The following ALOX12 variants were observed in gnomAD, a reference collection of about 807,000 sequenced individuals.
ALOX12 encodes the protein polyunsaturated fatty acid lipoxygenase ALOX12.
A neutral mutation model predicts 85.5 loss-of-function variants in ALOX12; 62 were observed. That is an observed-to-expected ratio of 0.73 (90% CI 0.59 to 0.90). ALOX12 has a LOEUF of 0.90. ALOX12 is among the 40% of genes least tolerant of loss of function. The pLI is 0.00. For missense variants in ALOX12, 751 were observed against 856.5 expected (o/e 0.88, Z 1.54); for synonymous variants, 299 against 332.7 (o/e 0.90, Z 1.10).
Position 7,005,712 on chromosome 17 carries a change from C to G in ALOX12, c.1249-146C>G. The G allele has an allele frequency of 3.9e-6, 3 of 776,676 alleles. No homozygotes were observed. The East Asian group carries it at 8.1e-5, about 21-fold the overall frequency. 48.1% of individuals were successfully genotyped at this position (776,676 alleles called of 1,614,324 possible). On this transcript the variant is annotated intron_variant, in intron 9 of 13. Coordinates refer to ENST00000251535, the MANE Select transcript of ALOX12 (RefSeq NM_000697.3). ...GCCAGACTGGTCTCGAACTCCTGAC[C>G]TCATGATCCACCCACCTCAGCCTCC...
At position 6,996,912 on chromosome 17, in the gene ALOX12, C is replaced by T. The variant is rs1908468673; in HGVS notation, c.222C>T (p.Asp74=). The T allele has an allele frequency of 1.2e-6, 2 of 1,613,178 alleles. No homozygotes were observed. The highest frequency in any genetic ancestry group is 8.5e-7 in the Non-Finnish European group (1 of 1,179,650). The change falls in exon 2 of 14, where the codon GAC becomes GAT. Residue 74 remains aspartate, a synonymous_variant. Coordinates refer to ENST00000251535, the MANE Select transcript of ALOX12 (RefSeq NM_000697.3). ...GCAAGCACCACTGGCTGGTGGACGA[C>T]GCGTGGTTCTGCGACCGCATCACGG... ...RLRKHHWLVD[D]AWFCDRITVQ...
rs1908470463 is a variant in ALOX12 at position 6,996,938 on chromosome 17, T to C, written c.248T>C (p.Val83Ala). The C allele has an allele frequency of 1.2e-5, 19 of 1,605,316 alleles. No homozygotes were observed. Among genetic ancestry groups the C allele is most frequent in the Non-Finnish European group, 1.6e-5 (19 of 1,176,162 alleles). Residue 83 changes from valine to alanine, a missense_variant, in exon 2 of 14, where the codon GTG becomes GCG. Physicochemically the swap from Val to Ala is moderately conservative, Grantham distance 64 (BLOSUM62 0). Transcript: ENST00000251535. ...DDAWFCDRITVQGPGACAEVA... is the reference protein window; with the variant it reads ...DDAWFCDRITAQGPGACAEVA... ...GCGTGGTTCTGCGACCGCATCACGG[T>C]GCAGGGCCCTGGAGCCTGCGCGGAG...
At position 7,005,879 on chromosome 17, in the gene ALOX12, G is replaced by A. The variant is rs1160019383; in HGVS notation, c.1270G>A (p.Gly424Ser). ...CCAGGCAGTGAGCACAGGTGGAGGG[G>A]GCCATGTACAGTTGCTCCGTCGGGC... Reference protein sequence around the residue: ...FDKAVSTGGGGHVQLLRRAAA... With the variant: ...FDKAVSTGGGSHVQLLRRAAA... The change falls in exon 10 of 14, where the codon GGC becomes AGC. Residue 424 changes from glycine (G) to serine (S), a missense_variant. Transcript: ENST00000251535. 1 of 1,612,746 alleles carries A rather than the reference G, an allele frequency of 6.2e-7. No homozygotes were observed.
chr17:7,002,988 A>G (rs1908784223), intron 8 of ALOX12, among the ~76,000 whole-genome samples: 1 of 152,046 alleles, frequency 6.6e-6, no homozygotes, highest in African/African-American at 2.4e-5. Flanking sequence ...TGGCCAGTAT[A>G]GCTGTGCCGC....
chr17:7,005,606 G>A (rs530265926), intron 9 of ALOX12, among the ~76,000 whole-genome samples: 188 of 146,118 alleles, frequency 1.3e-3, no homozygotes, highest in Non-Finnish European at 1.9e-3. Flanking sequence ...TCAGCCTCCC[G>A]AGTAGCTGGG....
In ALOX12 at chr17:6,999,388, C is replaced by T; in HGVS notation, c.729C>T (p.Arg243=). 6.2e-7 allele frequency: 1 copy of T among 1,614,224 alleles called. No homozygotes were observed. The highest frequency in any genetic ancestry group is 8.5e-7 in the Non-Finnish European group (1 of 1,180,032). Residue 243 remains arginine, a synonymous_variant, in exon 6 of 14, where the codon CGC becomes CGT. Transcript: ENST00000251535. ...GTGCCAACCCCATGCTGTTGAGACG[C>T]TCGACCTCTCTGCCCTCCAGGCTAG... The part of the protein sequence containing the change: ...LNGANPMLLR[R]STSLPSRLVL...
Position 6,996,138 on chromosome 17 carries a change from C to A in ALOX12, c.21C>A (p.Arg7=), listed in dbSNP as rs1197326510. 12 of 1,252,582 alleles carry A rather than the reference C, an allele frequency of 9.6e-6. No individual in the cohort carries two copies. Among genetic ancestry groups the A allele is most frequent in the Non-Finnish European group, 1.2e-5 (12 of 991,710 alleles). The allele number at this position is 1,252,582 out of a possible 1,614,324, so 77.6% of individuals were successfully genotyped here. MGRYRI[R]VATGAWLFSG... is the part of the protein sequence containing the mutation. ...GCGCCATGGGCCGCTACCGCATCCG[C>A]GTGGCCACCGGGGCCTGGCTCTTCT... The change falls in exon 1 of 14, where the codon CGC becomes CGA. Residue 7 remains arginine (R), a synonymous_variant. Transcript: ENST00000251535.
intron 7 of ALOX12, 137 bp from the exon 8 acceptor site, chr17:7,001,465 G>A: frequency 1.1e-6 from 1 of 910,578 alleles, no homozygotes; most frequent in Non-Finnish European, 1.7e-6. Flanking sequence ...CGGCAGGCTG[G>A]GAGGGTTCAC....
intron 6 of ALOX12, 160 bp downstream of exon 6, chr17:6,999,626 G>A: frequency 4.2e-6 from 3 of 711,660 alleles, no homozygotes; most frequent in Middle Eastern, 4.0e-4. Flanking sequence ...TGTAGGGGAA[G>A]AAACTATGAG....
chr17:7,004,467 T>A (rs1375717019), intron 8 of ALOX12, among the ~76,000 whole-genome samples: 1 of 146,754 alleles, frequency 6.8e-6, no homozygotes, highest in African/African-American at 2.5e-5. Flanking sequence ...AATATTAAAT[T>A]AAAATTTTAA....
In ALOX12 at chr17:7,010,138, C is replaced by T; in HGVS notation, c.1812+12C>T. Reference sequence around the variant, plus strand: ...GCCAGCCAGACATGGTGAGAGGGGACTCTCGGGAGAGGGAAATGACAGTTG... The same window carrying T: ...GCCAGCCAGACATGGTGAGAGGGGATTCTCGGGAGAGGGAAATGACAGTTG... On this transcript the variant is annotated intron_variant, in intron 13 of 13. Coordinates refer to ENST00000251535, the MANE Select transcript of ALOX12 (RefSeq NM_000697.3). The T allele has an allele frequency of 6.2e-7, 1 of 1,606,784 alleles. No individual in the cohort carries two copies.
chr17:7,000,428 C>T lies in ALOX12; in HGVS notation c.900C>T (p.Leu300=), dbSNP rs771764304. 5.0e-6 allele frequency: 8 copies of T among 1,613,966 alleles called. No homozygotes were observed. The highest frequency in any genetic ancestry group is 1.7e-5 in the Admixed American group (1 of 59,982). ...RGEKQYLAAP[L]VMLKMEPNGK... is the part of the protein sequence containing the mutation. ...AGAAGCAATACCTGGCTGCCCCCCTCGTTATGCTGAAGATGGAGCCCAATG... is the reference window on the plus strand; with the variant it reads ...AGAAGCAATACCTGGCTGCCCCCCTTGTTATGCTGAAGATGGAGCCCAATG... Residue 300 remains leucine, a synonymous_variant, in exon 7 of 14, where the codon CTC becomes CTT. Transcript: ENST00000251535. The surrounding 1 kb of genome is among the most constrained non-coding windows in gnomAD (Gnocchi z 4.6).
intron 11 of ALOX12, among the ~76,000 whole-genome samples, chr17:7,007,279 G>C (rs1175689470): frequency 6.6e-6 from 1 of 152,162 alleles, no homozygotes. Flanking sequence ...GAACCTCTGA[G>C]GAAGAAAAAG....
At chr17:6,996,319 G>A (rs1908435356) in intron 1 of ALOX12, 67 bp downstream of exon 1, 2 of 1,215,472 alleles carry the variant, frequency 1.6e-6, no homozygotes, top group African/African-American at 1.6e-5. Flanking sequence ...GCCGAGCTGG[G>A]CTCGCGGCGG....
In ALOX12 at chr17:7,000,307, A is replaced by G. The variant is rs540144968; in HGVS notation, c.808-29A>G. 6.2e-7 allele frequency: 1 copy of G among 1,612,616 alleles called. No individual in the cohort carries two copies. Among genetic ancestry groups the G allele is most frequent in the Admixed American group, 1.7e-5 (1 of 59,942 alleles). ...CCCCTGGGGGTAGACTTTGAACTCT[A>G]AAAATGGATACATCCCTCCTGTCCC... On this transcript the variant is annotated intron_variant, in intron 6 of 13. Transcript: ENST00000251535. This position sits in a 1 kb window ranked among gnomAD's most constrained non-coding sequence, Gnocchi z 4.6.
At chr17:7,008,878 C>T (rs556973991) in intron 11 of ALOX12, among the ~76,000 whole-genome samples, 9 of 152,118 alleles carry the variant, frequency 5.9e-5, no homozygotes, top group South Asian at 2.1e-4. Flanking sequence ...CACATTATAA[C>T]GCAGACACTT....
Position 7,000,295 on chromosome 17 carries a change from A to G in ALOX12, c.808-41A>G. The stretch of plus-strand genomic sequence containing the variant: ...CTTTGCCCCGGCCCCCTGGGGGTAG[A>G]CTTTGAACTCTAAAAATGGATACAT... On this transcript the variant is annotated intron_variant, in intron 6 of 13. Coordinates refer to ENST00000251535, the MANE Select transcript of ALOX12 (RefSeq NM_000697.3). This position sits in a 1 kb window ranked among gnomAD's most constrained non-coding sequence, Gnocchi z 4.6. 6.2e-7 allele frequency: 1 copy of G among 1,610,560 alleles called. No individual in the cohort carries two copies. Among genetic ancestry groups the G allele is most frequent in the Non-Finnish European group, 8.5e-7 (1 of 1,177,466 alleles).
Position 7,010,601 on chromosome 17 carries a change from T to A in ALOX12, c.*178T>A. ...AGCAGTAAACTTTCTCTGCAAAGAC[T>A]AGATCCTTTTTTACGCTTTGCAGAC... On this transcript the variant is annotated 3_prime_UTR_variant, in exon 14 of 14. Coordinates refer to ENST00000251535, the MANE Select transcript of ALOX12 (RefSeq NM_000697.3). The A allele has an allele frequency of 1.4e-6, 1 of 735,168 alleles. No individual in the cohort carries two copies. The allele number at this position is 735,168 out of a possible 1,614,324, so 45.5% of individuals were successfully genotyped here.
chr17:7,004,424 C>T (rs1040215017), intron 8 of ALOX12, among the ~76,000 whole-genome samples: 9 of 138,334 alleles, frequency 6.5e-5, no homozygotes, highest in South Asian at 2.3e-4. Context: ...TTAATTGCTT[C>T]AATATTAAAT....
Sources: gnomAD v4.1 joint callset for allele counts (sites outside exome capture counted in the v4.1 genomes callset) on GRCh38, gnomAD v4.1.1 for gene constraint, Gnocchi (gnomAD v3.1) non-coding constraint, MANE v1.5 for transcripts, NCBI Gene and HGNC (gene_info 2026-07-23, HGNC 2026-07-21) for gene names.